The following MYO1E variants were observed in gnomAD, a reference collection of about 807,000 sequenced individuals.
The protein encoded by MYO1E is unconventional myosin-Ie.
MYO1E carries 68 observed loss-of-function variants against 151.1 expected under a neutral mutation model. The observed-to-expected ratio is 0.45, with a 90% CI of 0.37 to 0.55. The LOEUF is 0.55. Among genes scored for constraint, MYO1E ranks in the 20% least tolerant of loss-of-function variants. The pLI is 0.00. For synonymous variants in MYO1E, 601 were observed against 501.7 expected, an observed-to-expected ratio of 1.20 and a Z score of -2.64; for missense variants, 1,363 against 1,389.3, an observed-to-expected ratio of 0.98 and a Z score of 0.30.
intron 1 of MYO1E, among the ~76,000 whole-genome samples, chr15:59,310,787 C>G (rs762547215): frequency 6.6e-6 from 1 of 150,882 alleles, no homozygotes; most frequent in African/African-American, 2.4e-5. Flanking sequence ...TGCCCAAATT[C>G]CTCTGCTTCA....
intron 19 of MYO1E, among the ~76,000 whole-genome samples, chr15:59,175,385 T>C (rs557863388): frequency 2.6e-5 from 4 of 152,334 alleles, no homozygotes; most frequent in African/African-American, 9.6e-5. Flanking sequence ...CCAATGTGGT[T>C]TGAAGGCAGC....
intron 26 of MYO1E, among the ~76,000 whole-genome samples, chr15:59,142,106 CA>C (rs201742555): frequency 5.8e-4 from 83 of 144,000 alleles, no homozygotes; most frequent in East Asian, 3.4e-3. Context: ...GACTCCATCC[CA>C]AAAAAAAAAA....
intron 15 of MYO1E, among the ~76,000 whole-genome samples, chr15:59,203,080 G>C (rs1217546568): frequency 2.0e-5 from 3 of 152,130 alleles, no homozygotes; most frequent in Admixed American, 6.5e-5. Context: ...AGATAGACCA[G>C]AGCTCAGGGA....
At chr15:59,229,111 G>A (rs182859949) in intron 6 of MYO1E, among the ~76,000 whole-genome samples, 2 of 152,290 alleles carry the variant, frequency 1.3e-5, no homozygotes, top group African/African-American at 4.8e-5. Flanking sequence ...TGTGATAGAG[G>A]GAATACTTCA....
rs2079966227 is a variant in MYO1E, at chr15:59,223,088, C to T, written c.881G>A (p.Gly294Asp). ...TTCACTCTCCACAGCCGCGTAGTTG[C>T]CAACTTCTTTGAAGCTGATGTTTCC... Reference protein sequence around the residue: ...HLGNISFKEVGNYAAVESEEF... With the variant: ...HLGNISFKEVDNYAAVESEEF... Residue 294 changes from glycine (G) to aspartate (D), a missense_variant, in exon 9 of 28, where the codon GGC becomes GAC. Gly to Asp is a moderately conservative substitution (Grantham distance 94). Coordinates refer to ENST00000288235, the MANE Select transcript of MYO1E (RefSeq NM_004998.4). 1 of 1,614,170 alleles carries T rather than the reference C, an allele frequency of 6.2e-7. No homozygotes were observed. Among genetic ancestry groups the T allele is most frequent in the Non-Finnish European group, 8.5e-7 (1 of 1,180,038 alleles).
chr15:59,200,669 A>G (rs1283562105), intron 16 of MYO1E, among the ~76,000 whole-genome samples: 1 of 152,226 alleles, frequency 6.6e-6, no homozygotes, highest in Admixed American at 6.5e-5. Flanking sequence ...ACGGCGATAC[A>G]GGAAAGGGGC....
At position 59,137,338 on chromosome 15, in the gene MYO1E, G is replaced by A. The variant is rs1361474148; in HGVS notation, c.*42C>T. The A allele has an allele frequency of 2.6e-6, 4 of 1,558,498 alleles. No homozygotes were observed. Among genetic ancestry groups the A allele is most frequent in the Non-Finnish European group, 3.5e-6 (4 of 1,129,546 alleles). On this transcript the variant is annotated 3_prime_UTR_variant, in exon 28 of 28. Transcript: ENST00000288235. Reference sequence around the variant, plus strand: ...CTAAATATCCCCTCCCCTGGTCTGTGCCTGGAGCTCCTCTGCCCCATGTGT... The same window carrying A: ...CTAAATATCCCCTCCCCTGGTCTGTACCTGGAGCTCCTCTGCCCCATGTGT...
At chr15:59,158,208 T>C (rs1276113951) in intron 25 of MYO1E, 79 bp downstream of exon 25, 7 of 1,237,148 alleles carry the variant, frequency 5.7e-6, no homozygotes, top group African/African-American at 1.5e-5. Flanking sequence ...GATTTGCTAA[T>C]GGGTTTCTTC....
At chr15:59,333,524 G>C (rs77176155) in intron 1 of MYO1E, among the ~76,000 whole-genome samples, 4,606 of 152,262 alleles carry the variant, frequency 0.03, 218 homozygotes, top group African/African-American at 0.1. Context: ...CTATAGGTGA[G>C]AGCGAGGTAT....
intron 1 of MYO1E, among the ~76,000 whole-genome samples, chr15:59,287,195 C>A (rs1389569605): frequency 1.3e-5 from 2 of 152,104 alleles, no homozygotes; most frequent in Non-Finnish European, 2.9e-5. Flanking sequence ...AACTAAAAGC[C>A]CTAGGATAGA....
chr15:59,299,702 A>G (rs1294944865), intron 1 of MYO1E, among the ~76,000 whole-genome samples: 1 of 152,212 alleles, frequency 6.6e-6, no homozygotes, highest in Non-Finnish European at 1.5e-5. Flanking sequence ...GTAAGCTGAG[A>G]AGACTGTGAG....
At chr15:59,262,072 C>G (rs1399526252) in intron 2 of MYO1E, among the ~76,000 whole-genome samples, 1 of 152,012 alleles carries the variant, frequency 6.6e-6, no homozygotes, top group African/African-American at 2.4e-5. Flanking sequence ...TGTGGTGGCA[C>G]ACGCCTGTAG....
intron 1 of MYO1E, among the ~76,000 whole-genome samples, chr15:59,324,668 C>CCCA (rs1298131921): frequency 2.0e-5 from 3 of 150,308 alleles, no homozygotes; most frequent in African/African-American, 5.0e-5. Context: ...CCCAAGCCCC[C>CCCA]CCCCCACAGA....
At chr15:59,273,289 G>T (rs1390797714) in intron 1 of MYO1E, among the ~76,000 whole-genome samples, 1 of 152,196 alleles carries the variant, frequency 6.6e-6, no homozygotes, top group Non-Finnish European at 1.5e-5. Flanking sequence ...CATTTCTGTA[G>T]TGGGGTCCCC....
chr15:59,177,553 G>A (rs549190438), intron 19 of MYO1E, among the ~76,000 whole-genome samples: 2 of 152,188 alleles, frequency 1.3e-5, no homozygotes, highest in African/African-American at 4.8e-5. Context: ...GGTTAAGGGA[G>A]CCTTGAGAAA....
chr15:59,178,276 A>G, intron 19 of MYO1E, 117 bp downstream of exon 19: 1 of 1,314,884 alleles, frequency 7.6e-7, no homozygotes, highest in Non-Finnish European at 1.0e-6. Context: ...TTCTTTGAGG[A>G]GACAACATTG....
intron 10 of MYO1E, among the ~76,000 whole-genome samples, chr15:59,215,951 G>A (rs1416171325): frequency 2.6e-5 from 4 of 152,064 alleles, no homozygotes; most frequent in Non-Finnish European, 4.4e-5. Flanking sequence ...AGTAAAATGA[G>A]GGGTCTGGAC....
intron 12 of MYO1E, 72 bp downstream of exon 12, chr15:59,214,156 G>C: frequency 1.6e-6 from 2 of 1,280,220 alleles, no homozygotes. Context: ...ATTAACAAAA[G>C]ACAGAAATCT....
intron 9 of MYO1E, among the ~76,000 whole-genome samples, chr15:59,218,770 G>C (rs1357348652): frequency 1.3e-5 from 2 of 152,202 alleles, no homozygotes; most frequent in African/African-American, 4.8e-5. Context: ...TGCTGGGGTA[G>C]TCAAGAGATT....
Sources: gnomAD v4.1 joint callset for allele counts (sites outside exome capture counted in the v4.1 genomes callset) on GRCh38, gnomAD v4.1.1 for gene constraint, MANE v1.5 for transcripts, NCBI Gene and HGNC (gene_info 2026-07-23, HGNC 2026-07-21) for gene names.